The following ATP2B2 variants were observed in gnomAD, a reference collection of about 807,000 sequenced individuals.
The protein encoded by ATP2B2 is ATPase plasma membrane Ca2+ transporting 2.
In ATP2B2, 15 loss-of-function variants were observed where a neutral mutation model predicts 120.0. That is an observed-to-expected ratio of 0.12 (90% CI 0.08 to 0.19). The LOEUF is 0.19. Ranked by LOEUF, ATP2B2 falls within the 10% of genes least tolerant of loss-of-function variation. The pLI is 1.00. For synonymous variants in ATP2B2, 694 were observed against 700.3 expected, an observed-to-expected ratio of 0.99 and a Z score of 0.14; for missense variants, 1,045 against 1,719.8, an observed-to-expected ratio of 0.61 and a Z score of 6.94.
At chr3:10,405,409 C>A (rs189178641) in intron 3 of ATP2B2, among the ~76,000 whole-genome samples, 4 of 152,168 alleles carry the variant, frequency 2.6e-5, no homozygotes, top group Admixed American at 2.0e-4. Flanking sequence ...GCTCGTCACG[C>A]GGTGCCAAGG....
At chr3:10,440,253 A>G (rs2063619106) in intron 2 of ATP2B2, among the ~76,000 whole-genome samples, 1 of 151,890 alleles carries the variant, frequency 6.6e-6, no homozygotes, top group Non-Finnish European at 1.5e-5. Flanking sequence ...ACCCAGTGTG[A>G]GAACCATTTC....
At chr3:10,441,388 C>T (rs773694114) in intron 2 of ATP2B2, among the ~76,000 whole-genome samples, 6 of 152,104 alleles carry the variant, frequency 3.9e-5, no homozygotes, top group African/African-American at 1.4e-4. Context: ...TACAGGCGTG[C>T]GCCATCACAC....
At chr3:10,487,704 G>T (rs2125347440) in intron 1 of ATP2B2, among the ~76,000 whole-genome samples, 1 of 152,330 alleles carries the variant, frequency 6.6e-6, no homozygotes, top group Non-Finnish European at 1.5e-5. Flanking sequence ...AGCGGGAAAG[G>T]AAACAGAGAG....
chr3:10,331,389 T>C (rs1385553040), intron 22 of ATP2B2, among the ~76,000 whole-genome samples: 1 of 152,232 alleles, frequency 6.6e-6, no homozygotes. Context: ...GTTCTGAGGT[T>C]GAAGTGCAAT....
Position 10,379,243 on chromosome 3 carries a change from C to T in ATP2B2, c.1042G>A (p.Ala348Thr), listed in dbSNP as rs1402690266. Residue 348 changes from alanine (A) to threonine (T), a missense_variant and splice_region_variant, in exon 9 of 23, where the codon GCC (alanine) becomes ACC (threonine). Around this residue, in one of 11 missense-constraint regions of ATP2B2, gnomAD observed 145 missense variants for 202.0 expected, o/e 0.72. Transcript: ENST00000360273. ...DGNVDASQSK[A>T]KQQDGAAAME... ...ACGCCGGTTAAAACAAAAGGGTTAC[C>T]TTTGCTCTGGCTGGCGTCCACATTG... is the stretch of plus-strand genomic sequence containing the variant. The T allele has an allele frequency of 6.2e-7, 1 of 1,613,876 alleles. No homozygotes were observed. Among genetic ancestry groups the T allele is most frequent in the Non-Finnish European group, 8.5e-7 (1 of 1,179,970 alleles).
At chr3:10,618,460 A>C (rs951161850) in intron 2 of ATP2B2, among the ~76,000 whole-genome samples, 3 of 152,214 alleles carry the variant, frequency 2.0e-5, no homozygotes, top group Non-Finnish European at 4.4e-5. Flanking sequence ...AGGAAGAGAC[A>C]AGGCTATCGA....
At chr3:10,642,574 G>A (rs984412907) in intron 1 of ATP2B2, among the ~76,000 whole-genome samples, 5 of 152,102 alleles carry the variant, frequency 3.3e-5, no homozygotes, top group South Asian at 2.1e-4. Flanking sequence ...AAACCCATCA[G>A]AGCTCTGTGC....
intron 8 of ATP2B2, among the ~76,000 whole-genome samples, chr3:10,382,218 T>TTTTTTG: frequency 7.0e-6 from 1 of 142,698 alleles, no homozygotes; most frequent in African/African-American, 2.5e-5. Context: ...TTTTTTTTTG[T>TTTTTTG]AGAGATGTGG....
At chr3:10,442,369 G>A (rs138186432) in intron 2 of ATP2B2, among the ~76,000 whole-genome samples, 12 of 152,226 alleles carry the variant, frequency 7.9e-5, no homozygotes, top group South Asian at 4.2e-4. Context: ...GTCAGCTGCC[G>A]GGCAGGATCT....
intron 16 of ATP2B2, among the ~76,000 whole-genome samples, chr3:10,349,255 C>G (rs753291778): frequency 1.3e-5 from 2 of 152,120 alleles, no homozygotes; most frequent in Non-Finnish European, 2.9e-5. Flanking sequence ...GAGTTTGCAA[C>G]CAGCCTGGGC....
chr3:10,625,502 G>A (rs187477687), intron 1 of ATP2B2, among the ~76,000 whole-genome samples: 7 of 152,140 alleles, frequency 4.6e-5, no homozygotes, highest in South Asian at 2.1e-4. Flanking sequence ...TTCCTACTCC[G>A]CCAGGATTTG....
intron 1 of ATP2B2, among the ~76,000 whole-genome samples, chr3:10,638,914 T>G (rs2070094457): frequency 6.6e-6 from 1 of 152,220 alleles, no homozygotes; most frequent in Non-Finnish European, 1.5e-5. Flanking sequence ...ATAGCAATCC[T>G]AAATGATTAA....
chr3:10,662,308 T>A (rs1327118358), intron 1 of ATP2B2, among the ~76,000 whole-genome samples: 1 of 151,862 alleles, frequency 6.6e-6, no homozygotes, highest in Admixed American at 6.6e-5. Context: ...ACAGGGAACC[T>A]ACAGAATGGG....
rs1263169803 is a variant in ATP2B2 at position 10,342,445 on chromosome 3, TG to T, written c.2917+306del. Among the ~76,000 whole-genome samples, 4 of 152,172 alleles carry T rather than the reference TG, an allele frequency of 2.6e-5. No individual in the cohort carries two copies. The highest frequency in any genetic ancestry group is 4.8e-5 in the African/African-American group (2 of 41,446). On this transcript the variant is annotated intron_variant, in intron 19 of 22. Coordinates refer to ENST00000360273, the MANE Select transcript of ATP2B2 (RefSeq NM_001001331.4). This position sits in a 1 kb window ranked among gnomAD's most constrained non-coding sequence, Gnocchi z 4.4. ...CTCCCCTCCCAGCCTCAGGTGCCTC[TG>T]GGGCTGCCATGCAGTGCTTCAGCAC...
intron 14 of ATP2B2, among the ~76,000 whole-genome samples, chr3:10,351,201 G>A (rs1574982397): frequency 6.6e-6 from 1 of 152,166 alleles, no homozygotes. Context: ...CAATCAGGCC[G>A]GATCAGAGCC....
At position 10,438,816 on chromosome 3, in the gene ATP2B2, C is replaced by T. The variant is rs919022121; in HGVS notation, c.199+10529G>A. 4.6e-5 allele frequency among the ~76,000 whole-genome samples: 7 copies of T among 152,226 alleles called. No homozygotes were observed. In the South Asian group the frequency reaches 6.2e-4, roughly 14 times the overall value. Reference sequence around the variant, plus strand: ...ACTCAGGTCCTACTAGCATTCGAGACGGCCCGCCTGCAGTTATACAGCAAC... The same window carrying T: ...ACTCAGGTCCTACTAGCATTCGAGATGGCCCGCCTGCAGTTATACAGCAAC... On this transcript the variant is annotated intron_variant, in intron 2 of 22. Coordinates refer to ENST00000360273, the MANE Select transcript of ATP2B2 (RefSeq NM_001001331.4).
At chr3:10,523,878 G>A (rs1027239153) in intron 3 of ATP2B2, among the ~76,000 whole-genome samples, 14 of 152,002 alleles carry the variant, frequency 9.2e-5, no homozygotes, top group Non-Finnish European at 1.5e-4. Flanking sequence ...GAACTGGCAG[G>A]ACTAGACTGG....
intron 1 of ATP2B2, among the ~76,000 whole-genome samples, chr3:10,620,865 C>A (rs2069526031): frequency 6.6e-6 from 1 of 152,194 alleles, no homozygotes; most frequent in African/African-American, 2.4e-5. Context: ...AGGCAGGATA[C>A]CAGTGCTGAG....
intron 2 of ATP2B2, among the ~76,000 whole-genome samples, chr3:10,585,430 C>T (rs1466120530): frequency 6.5e-5 from 9 of 138,668 alleles, no homozygotes. Context: ...GGAGGCGGAA[C>T]TTGCAGTGAG....
Sources: allele counts gnomAD v4.1 joint callset (sites outside exome capture counted in the v4.1 genomes callset), GRCh38; gene constraint gnomAD v4.1.1; regional missense constraint gnomAD v4.1.1; non-coding constraint Gnocchi (gnomAD v3.1); transcripts MANE v1.5; gene names NCBI Gene and HGNC (gene_info 2026-07-23, HGNC 2026-07-21).